Variants in SEC24A observed in about 807,000 individuals in gnomAD.
SEC24A encodes SEC24 homolog A, COPII component, also known as protein transport protein Sec24A.
A neutral mutation model predicts 129.4 loss-of-function variants in SEC24A; 93 were observed. The observed-to-expected ratio is 0.72, with a 90% CI of 0.61 to 0.85. The LOEUF (loss-of-function observed/expected upper bound fraction) is 0.85. SEC24A is among the 40% of genes least tolerant of loss of function. SEC24A has a pLI of 0.00. For synonymous variants in SEC24A, 460 were observed against 467.3 expected (o/e 0.98, Z 0.20); for missense variants, 1,264 against 1,307.4 (o/e 0.97, Z 0.51).
At chr5:134,709,032 C>T in intron 18 of SEC24A, 144 bp downstream of exon 18, 1 of 728,656 alleles carries the variant, frequency 1.4e-6, no homozygotes, top group Non-Finnish European at 2.2e-6. Flanking sequence ...ATGGTGAAAC[C>T]TGGTCTCTGC....
Position 134,661,318 on chromosome 5 carries a change from G to C in SEC24A, c.297G>C (p.Ser99=), listed in dbSNP as rs760923981. 4 of 1,613,952 alleles carry C rather than the reference G, an allele frequency of 2.5e-6. No homozygotes were observed. Among genetic ancestry groups the C allele is most frequent in the Non-Finnish European group, 2.5e-6 (3 of 1,180,038 alleles). The change falls in exon 2 of 23, where the codon TCG becomes TCC. Residue 99 remains serine (S), a synonymous_variant. Coordinates refer to ENST00000398844, the MANE Select transcript of SEC24A (RefSeq NM_021982.3). ...PPVASNPVTP[S]LHSGPAPRMP... ...TGGCCTCTAATCCAGTGACACCTTC[G>C]CTTCATAGTGGTCCTGCTCCCCGAA... is the stretch of plus-strand genomic sequence containing the variant.
At chr5:134,657,951 C>T (rs575651380) in intron 1 of SEC24A, among the ~76,000 whole-genome samples, 1 of 152,228 alleles carries the variant, frequency 6.6e-6, no homozygotes, top group Non-Finnish European at 1.5e-5. Flanking sequence ...AGCTATTGTA[C>T]TATTGTAAAA....
intron 18 of SEC24A, among the ~76,000 whole-genome samples, chr5:134,710,212 CTTTTT>C (rs77965512): frequency 0.026 from 3,680 of 142,314 alleles, 62 homozygotes; most frequent in African/African-American, 0.059. Flanking sequence ...TAATCTTCTT[CTTTTT>C]TTTTTTTTGT....
chr5:134,692,840 G>A, intron 12 of SEC24A, 183 bp downstream of exon 12: 5 of 699,168 alleles, frequency 7.2e-6, no homozygotes, highest in South Asian at 1.7e-5. Flanking sequence ...TCATTTTTAA[G>A]TCTAATGAAG....
At chr5:134,667,017 A>G (rs1750686150) in intron 3 of SEC24A, 21 bp downstream of exon 3, 1 of 1,522,880 alleles carries the variant, frequency 6.6e-7, no homozygotes, top group Non-Finnish European at 8.8e-7. Flanking sequence ...CAAGAAACAA[A>G]GTCAAATCCT....
At chr5:134,717,859 G>A (rs954387681) in intron 19 of SEC24A, among the ~76,000 whole-genome samples, 3 of 152,168 alleles carry the variant, frequency 2.0e-5, no homozygotes, top group African/African-American at 7.2e-5. Flanking sequence ...AGGTTGTGGT[G>A]AGCTGAGATT....
intron 18 of SEC24A, 131 bp downstream of exon 18, chr5:134,709,019 A>C: frequency 1.2e-6 from 1 of 808,496 alleles, no homozygotes; most frequent in Non-Finnish European, 2.0e-6. Context: ...CAGCCTGGGC[A>C]ATATGGTGAA....
At chr5:134,660,245 A>G (rs1395715935) in intron 1 of SEC24A, among the ~76,000 whole-genome samples, 1 of 151,186 alleles carries the variant, frequency 6.6e-6, no homozygotes, top group Non-Finnish European at 1.5e-5. Context: ...GCATGCCTGT[A>G]GTCCCAGCTT....
At chr5:134,679,028 A>C (rs1751169550) in intron 7 of SEC24A, among the ~76,000 whole-genome samples, 1 of 150,666 alleles carries the variant, frequency 6.6e-6, no homozygotes, top group Admixed American at 6.6e-5. Context: ...CTGGCCTGCT[A>C]TTTTGGTTTT....
intron 9 of SEC24A, among the ~76,000 whole-genome samples, chr5:134,685,271 G>A (rs984736235): frequency 6.6e-6 from 1 of 151,912 alleles, no homozygotes; most frequent in African/African-American, 2.4e-5. Context: ...TGAGGTGGAA[G>A]GATCGCTTGA....
chr5:134,652,570 G>A (rs1215998851), intron 1 of SEC24A, among the ~76,000 whole-genome samples: 2 of 152,040 alleles, frequency 1.3e-5, no homozygotes, highest in East Asian at 3.9e-4. Context: ...ACAGGCGTGA[G>A]CCACTGTGCC....
chr5:134,722,542 A>G (rs562857866), intron 21 of SEC24A, among the ~76,000 whole-genome samples: 182 of 152,170 alleles, frequency 1.2e-3, no homozygotes, highest in Non-Finnish European at 2.1e-3. Flanking sequence ...CAGTGAGCCA[A>G]TATCACGCCA....
Position 134,666,962 on chromosome 5 carries a change from C to A in SEC24A, c.705C>A (p.Pro235=). 1.3e-6 allele frequency: 2 copies of A among 1,587,206 alleles called. No individual in the cohort carries two copies. Among genetic ancestry groups the A allele is most frequent in the Non-Finnish European group, 1.7e-6 (2 of 1,172,172 alleles). ...TGACATCATCATATAGAGATGTACCCCAGCCCTTATTTAATTCAGCTGTCA... is the reference window on the plus strand; with the variant it reads ...TGACATCATCATATAGAGATGTACCACAGCCCTTATTTAATTCAGCTGTCA... ...TPLTSSYRDV[P]QPLFNSAVNQ... is the part of the protein sequence containing the mutation. The change falls in exon 3 of 23, where the codon CCC becomes CCA. Residue 235 remains proline (P), a synonymous_variant. Transcript: ENST00000398844.
intron 13 of SEC24A, among the ~76,000 whole-genome samples, chr5:134,695,960 AAG>A (rs1554140549): frequency 1.1e-4 from 16 of 148,190 alleles, no homozygotes; most frequent in Admixed American, 3.4e-4. Context: ...AAAAAAAAAA[AAG>A]AAAGAAAGAA....
intron 17 of SEC24A, among the ~76,000 whole-genome samples, chr5:134,707,398 C>T (rs370720245): frequency 8.6e-5 from 13 of 151,350 alleles, no homozygotes; most frequent in African/African-American, 2.7e-4. Flanking sequence ...GGCGTGATCT[C>T]GGCTCACTGC....
At chr5:134,693,380 A>G in intron 12 of SEC24A, 1 of 1,360,782 alleles carries the variant, frequency 7.3e-7, no homozygotes, top group South Asian at 1.7e-5. Flanking sequence ...GGAACTTACA[A>G]GAATAAAGTA....
At chr5:134,691,353 G>C (rs1751643959) in intron 11 of SEC24A, among the ~76,000 whole-genome samples, 1 of 147,630 alleles carries the variant, frequency 6.8e-6, no homozygotes, top group African/African-American at 2.5e-5. Context: ...ATTTTTAGTA[G>C]AGACAGGGTT....
At chr5:134,677,437 TG>T (rs1449801451) in intron 7 of SEC24A, among the ~76,000 whole-genome samples, 1 of 152,002 alleles carries the variant, frequency 6.6e-6, no homozygotes, top group African/African-American at 2.4e-5. Context: ...AGGATTTTTT[TG>T]GTGGTGATAT....
chr5:134,650,584 G>A (rs1334865523), intron 1 of SEC24A, among the ~76,000 whole-genome samples: 2 of 151,550 alleles, frequency 1.3e-5, no homozygotes, highest in African/African-American at 4.9e-5. Context: ...GCCCAGGCTG[G>A]AGTGCAGTGG....
Sources: gnomAD v4.1 joint callset for allele counts (sites outside exome capture counted in the v4.1 genomes callset) on GRCh38, gnomAD v4.1.1 for gene constraint, MANE v1.5 for transcripts, NCBI Gene and HGNC (gene_info 2026-07-23, HGNC 2026-07-21) for gene names.